VWCE: variants seen among roughly 807,000 people sequenced by gnomAD.
The protein encoded by VWCE is von Willebrand factor C and EGF domain-containing protein.
VWCE carries 68 observed loss-of-function variants against 102.9 expected under a neutral mutation model. That is an observed-to-expected ratio of 0.66 (90% CI 0.54 to 0.81). VWCE has a LOEUF of 0.81. Among genes scored for constraint, VWCE ranks in the 30% least tolerant of loss-of-function variants. The probability of loss-of-function intolerance (pLI) is 0.00; values close to 1 mark genes in which losing one functional copy is unlikely to be tolerated. For synonymous variants in VWCE, 497 were observed against 515.4 expected (o/e 0.96, Z 0.48); for missense variants, 1,137 against 1,263.6 (o/e 0.90, Z 1.52).
At chr11:61,268,829 A>C in intron 15 of VWCE, 93 bp downstream of exon 15, 1 of 1,305,208 alleles carries the variant, frequency 7.7e-7, no homozygotes, top group South Asian at 1.2e-5. Context: ...TGGGGTTGTT[A>C]GGACGACATG....
At chr11:61,274,287 A>G (rs566675834) in intron 12 of VWCE, among the ~76,000 whole-genome samples, 1 of 152,318 alleles carries the variant, frequency 6.6e-6, no homozygotes, top group East Asian at 1.9e-4. Context: ...CCCAGCACAC[A>G]GTAGGTGCTC....
rs1469911425 is a variant in VWCE at position 61,294,633 on chromosome 11, C to T, written c.110+295G>A. 6.6e-6 allele frequency among the ~76,000 whole-genome samples: 1 copy of T among 152,140 alleles called. No individual in the cohort carries two copies. Among genetic ancestry groups the T allele is most frequent in the South Asian group, 2.1e-4 (1 of 4,828 alleles). ...ACCAGATGGCACGTCCTGGGCTCCC[C>T]TCTCCAGAGGTCCGCGCTCCAGGGC... On this transcript the variant is annotated intron_variant, in intron 1 of 19. Transcript: ENST00000335613. This position sits in a 1 kb window ranked among gnomAD's most constrained non-coding sequence, Gnocchi z 6.3.
At chr11:61,273,462 CAAAG>C in intron 12 of VWCE, 146 bp from the exon 13 acceptor site, 1 of 753,558 alleles carries the variant, frequency 1.3e-6, no homozygotes, top group Non-Finnish European at 2.1e-6. Context: ...GTGAAACTGA[CAAAG>C]AAATCTCCAA....
chr11:61,290,933 G>A lies in VWCE; in HGVS notation c.296-6C>T, dbSNP rs777457961. 6.2e-7 allele frequency: 1 copy of A among 1,612,600 alleles called. No homozygotes were observed. Among genetic ancestry groups the A allele is most frequent in the East Asian group, 2.2e-5 (1 of 44,858 alleles). On this transcript the variant is annotated splice_region_variant and splice_polypyrimidine_tract_variant and intron_variant, in intron 3 of 19. Coordinates refer to ENST00000335613, the MANE Select transcript of VWCE (RefSeq NM_152718.2). ...CCCACATGGTCCATGGGTTTCTAGA[G>A]CAGGCATCACACCAGTGAGCATGCA...
Position 61,294,651 on chromosome 11 carries a change from T to G in VWCE, c.110+277A>C, listed in dbSNP as rs769493209. 6.6e-6 allele frequency among the ~76,000 whole-genome samples: 1 copy of G among 151,866 alleles called. No individual in the cohort carries two copies. Among genetic ancestry groups the G allele is most frequent in the Non-Finnish European group, 1.5e-5 (1 of 67,946 alleles). On this transcript the variant is annotated intron_variant, in intron 1 of 19. Coordinates refer to ENST00000335613, the MANE Select transcript of VWCE (RefSeq NM_152718.2). The surrounding 1 kb of genome is among the most constrained non-coding windows in gnomAD (Gnocchi z 6.3). The stretch of plus-strand genomic sequence containing the variant: ...GGCTCCCCTCTCCAGAGGTCCGCGC[T>G]CCAGGGCACATTAGGAGTCACCCAA...
At chr11:61,284,647 T>C (rs1313442217) in intron 5 of VWCE, among the ~76,000 whole-genome samples, 1 of 152,042 alleles carries the variant, frequency 6.6e-6, no homozygotes, top group Non-Finnish European at 1.5e-5. Flanking sequence ...TTAGTGTCCT[T>C]TTAAGAAGAG....
intron 5 of VWCE, among the ~76,000 whole-genome samples, chr11:61,284,228 A>C (rs1855238240): frequency 6.6e-6 from 1 of 152,098 alleles, no homozygotes; most frequent in South Asian, 2.1e-4. Context: ...AGAAAGAAGA[A>C]AAAAACCTTA....
chr11:61,282,761 G>T, intron 6 of VWCE, 28 bp downstream of exon 6: 1 of 1,585,680 alleles, frequency 6.3e-7, no homozygotes, highest in Non-Finnish European at 8.7e-7. Flanking sequence ...GCCTAAGTGT[G>T]CAGACCACAG....
chr11:61,270,467 G>A (rs975457752), intron 14 of VWCE, among the ~76,000 whole-genome samples: 1 of 152,222 alleles, frequency 6.6e-6, no homozygotes, highest in African/African-American at 2.4e-5. Flanking sequence ...GCATGTATTA[G>A]ATTGGTGCAA....
intron 18 of VWCE, 28 bp downstream of exon 18, chr11:61,264,928 C>T (rs535630449): frequency 4.3e-6 from 7 of 1,611,124 alleles, no homozygotes; most frequent in African/African-American, 2.7e-5. Flanking sequence ...CTGGCGGGGC[C>T]GCTCCTGGGT....
Position 61,291,340 on chromosome 11 carries a change from G to C in VWCE, c.219C>G (p.Phe73Leu). 1 of 1,613,048 alleles carries C rather than the reference G, an allele frequency of 6.2e-7. No individual in the cohort carries two copies. The change falls in exon 3 of 20, where the codon TTC (phenylalanine) becomes TTG (leucine). Residue 73 changes from phenylalanine (F) to leucine (L), a missense_variant. By Grantham distance (22) the Phe-to-Leu change is conservative. This residue lies in a region of VWCE where 575 missense variants were observed against 625.9 expected (regional missense o/e 0.92). Coordinates refer to ENST00000335613, the MANE Select transcript of VWCE (RefSeq NM_152718.2). ...CGATGCAGATGCCACTCCCACAGCCGAAGGAGCAGAGGGCTGAGAGGAGAA... is the reference window on the plus strand; with the variant it reads ...CGATGCAGATGCCACTCCCACAGCCCAAGGAGCAGAGGGCTGAGAGGAGAA... ...GGHCTLPLCS[F>L]GCGSGICIAP...
At chr11:61,262,014 C>T (rs182568960) in intron 19 of VWCE, among the ~76,000 whole-genome samples, 15 of 152,118 alleles carry the variant, frequency 9.9e-5, no homozygotes, top group African/African-American at 2.9e-4. Context: ...GAGGGCAGGG[C>T]GCAGTCTCAG....
At chr11:61,260,154 C>A (rs1215148483) in intron 19 of VWCE, among the ~76,000 whole-genome samples, 1 of 152,324 alleles carries the variant, frequency 6.6e-6, no homozygotes, top group South Asian at 2.1e-4. Context: ...ACTCGGGAGG[C>A]TGAGGCGCGA....
At chr11:61,281,648 G>A in intron 7 of VWCE, 138 bp downstream of exon 7, 2 of 1,201,456 alleles carry the variant, frequency 1.7e-6, no homozygotes, top group South Asian at 3.3e-5. Flanking sequence ...CCGGGGTAGG[G>A]CGGGGCCAGG....
rs771510418 is a variant in VWCE at position 61,274,550 on chromosome 11, G to A, written c.1530C>T (p.Asp510=). The change falls in exon 12 of 20, where the codon GAC becomes GAT. Residue 510 remains aspartate (D), a synonymous_variant. Coordinates refer to ENST00000335613, the MANE Select transcript of VWCE (RefSeq NM_152718.2). ...RCYFHGRWYA[D]GAVFSGGGDE... ...CACCACCCCCACTGAACACAGCCCC[G>A]TCTGCGTACCACCGGCCGTGGAAAT... 1.1e-5 allele frequency: 18 copies of A among 1,613,602 alleles called. No individual in the cohort carries two copies. The highest frequency in any genetic ancestry group is 1.7e-5 in the Admixed American group (1 of 59,946).
At position 61,259,183 on chromosome 11, in the gene VWCE, G is replaced by A. The variant is rs143933457; in HGVS notation, c.2360C>T (p.Pro787Leu). ...PVNCSSCPGP[P>L]TASPSRPVLH... is the part of the protein sequence containing the mutation. ...CACCGGCCTCGAGGGTGATGCTGTC[G>A]GGGGCCCAGGACAGGAGCTACAGTT... The change falls in exon 20 of 20, where the codon CCG becomes CTG. Residue 787 changes from proline (P) to leucine (L), a missense_variant. By Grantham distance (98) the Pro-to-Leu change is moderately conservative (BLOSUM62 -3). Transcript: ENST00000335613. The A allele has an allele frequency of 1.2e-4, 196 of 1,614,042 alleles. No individual in the cohort carries two copies. The highest frequency in any genetic ancestry group is 1.6e-4 in the Non-Finnish European group (191 of 1,180,018).
rs754222519 is a variant in VWCE, at chr11:61,281,120, G to A, written c.903C>T (p.Ser301=). 3.7e-6 allele frequency: 6 copies of A among 1,613,290 alleles called. No individual in the cohort carries two copies. The highest frequency in any genetic ancestry group is 4.2e-6 in the Non-Finnish European group (5 of 1,179,778). Residue 301 remains serine (S), a synonymous_variant, in exon 8 of 20, where the codon AGC becomes AGT. Transcript: ENST00000335613. ...GGGGCCCTGGAGCCCCAGAAGGAGGGCTATGTCCTGGGGACAGGGCAGGCC... is the reference window on the plus strand; with the variant it reads ...GGGGCCCTGGAGCCCCAGAAGGAGGACTATGTCCTGGGGACAGGGCAGGCC... ...AGRPALSPGH[S]PPSGAPGPPA... is the part of the protein sequence containing the mutation.
intron 1 of VWCE, among the ~76,000 whole-genome samples, chr11:61,293,658 G>C (rs904556165): frequency 1.3e-5 from 2 of 152,180 alleles, no homozygotes; most frequent in African/African-American, 4.8e-5. Context: ...TGTTCAGAGC[G>C]GAGGGAAGAT....
chr11:61,278,320 C>G, intron 10 of VWCE, 74 bp downstream of exon 10: 1 of 1,521,158 alleles, frequency 6.6e-7, no homozygotes, highest in South Asian at 1.1e-5. Context: ...AACATCCGGT[C>G]TTTTCCCCTT....
Sources: gnomAD v4.1 joint callset for allele counts (sites outside exome capture counted in the v4.1 genomes callset) on GRCh38, gnomAD v4.1.1 for gene constraint, gnomAD v4.1.1 regional missense constraint, Gnocchi (gnomAD v3.1) non-coding constraint, MANE v1.5 for transcripts, NCBI Gene and HGNC (gene_info 2026-07-23, HGNC 2026-07-21) for gene names.